Variants in SMARCC1 observed in about 807,000 individuals in gnomAD.
SMARCC1 encodes SWI/SNF related BAF chromatin remodeling complex subunit C1, also known as SWI/SNF complex subunit SMARCC1.
In SMARCC1, 43 loss-of-function variants were observed where a neutral mutation model predicts 147.4. That is an observed-to-expected ratio of 0.29 (90% CI 0.23 to 0.38). The LOEUF (loss-of-function observed/expected upper bound fraction) is 0.38, where lower values mean the gene tolerates loss of function less well. Among genes scored for constraint, SMARCC1 ranks in the 10% least tolerant of loss-of-function variants. The pLI is 1.00. For missense variants in SMARCC1, 1,119 were observed against 1,381.1 expected (o/e 0.81, Z 3.01); for synonymous variants, 495 against 484.4 (o/e 1.02, Z -0.29).
At chr3:47,648,545 T>C (rs529281662) in intron 21 of SMARCC1, among the ~76,000 whole-genome samples, 51 of 152,132 alleles carry the variant, frequency 3.4e-4, no homozygotes, top group Non-Finnish European at 6.6e-4. Flanking sequence ...TGTCACCATA[T>C]CTGGCTAGGT....
chr3:47,729,240 T>A, intron 5 of SMARCC1, 146 bp from the exon 6 acceptor site: 1 of 599,922 alleles, frequency 1.7e-6, no homozygotes, highest in African/African-American at 1.9e-5. Flanking sequence ...TTTAGTCAAA[T>A]AAAAAAAAGT....
intron 1 of SMARCC1, among the ~76,000 whole-genome samples, chr3:47,780,170 T>TTG (rs1186429678): frequency 3.0e-5 from 4 of 131,660 alleles, no homozygotes; most frequent in South Asian, 2.5e-4. Flanking sequence ...TTTTTTTTGT[T>TTG]TTTTTTTTTT....
chr3:47,592,701 C>T (rs937572696), intron 26 of SMARCC1, among the ~76,000 whole-genome samples: 12 of 152,128 alleles, frequency 7.9e-5, no homozygotes, highest in Non-Finnish European at 1.6e-4. Flanking sequence ...TAAACTCAAG[C>T]GATCCCCCTG....
chr3:47,756,884 A>G (rs528349188), intron 2 of SMARCC1, among the ~76,000 whole-genome samples: 6 of 152,280 alleles, frequency 3.9e-5, no homozygotes, highest in Non-Finnish European at 7.3e-5. Context: ...ATGAGAGTAA[A>G]AACATAAACT....
At chr3:47,761,058 G>A (rs2034767284) in intron 2 of SMARCC1, among the ~76,000 whole-genome samples, 4 of 152,048 alleles carry the variant, frequency 2.6e-5, no homozygotes, top group East Asian at 1.9e-4. Flanking sequence ...GCTTGAACCC[G>A]GGAAGGGGAG....
chr3:47,593,723 T>C (rs754865462), intron 26 of SMARCC1, among the ~76,000 whole-genome samples: 17 of 152,306 alleles, frequency 1.1e-4, no homozygotes, highest in Admixed American at 3.3e-4. Context: ...TCTGTCACTA[T>C]AGAAAGAGGT....
At chr3:47,704,654 C>T (rs753187171) in intron 10 of SMARCC1, among the ~76,000 whole-genome samples, 2 of 151,982 alleles carry the variant, frequency 1.3e-5, no homozygotes, top group Admixed American at 6.6e-5. Context: ...TGGTGGCTCA[C>T]GCAAATAATC....
At chr3:47,771,108 A>C (rs1232790062) in intron 2 of SMARCC1, among the ~76,000 whole-genome samples, 1 of 152,012 alleles carries the variant, frequency 6.6e-6, no homozygotes, top group Non-Finnish European at 1.5e-5. Flanking sequence ...ATGGTGTTTC[A>C]CCTTGTTAGA....
At chr3:47,741,243 C>T (rs562897338) in intron 3 of SMARCC1, among the ~76,000 whole-genome samples, 2 of 151,476 alleles carry the variant, frequency 1.3e-5, no homozygotes, top group South Asian at 4.2e-4. Context: ...TTAACTTTTT[C>T]GAAGAGAGTT....
chr3:47,671,589 C>T (rs1010634262), intron 18 of SMARCC1, among the ~76,000 whole-genome samples: 8 of 152,114 alleles, frequency 5.3e-5, no homozygotes, highest in Admixed American at 1.3e-4. Flanking sequence ...ATTCATGTGA[C>T]GATGTGAGTA....
At chr3:47,731,869 G>A (rs2034378154) in intron 5 of SMARCC1, among the ~76,000 whole-genome samples, 1 of 152,176 alleles carries the variant, frequency 6.6e-6, no homozygotes, top group East Asian at 1.9e-4. Context: ...ATAATCTGTA[G>A]GGCCTTATGA....
intron 6 of SMARCC1, among the ~76,000 whole-genome samples, chr3:47,723,631 G>A (rs141700243): frequency 2.2e-3 from 334 of 152,102 alleles, no homozygotes; most frequent in African/African-American, 7.8e-3. Flanking sequence ...TGGCCAACAT[G>A]ATGAAACCTT....
At chr3:47,589,095 T>G (rs558471541) in intron 27 of SMARCC1, among the ~76,000 whole-genome samples, 2 of 152,318 alleles carry the variant, frequency 1.3e-5, no homozygotes, top group Non-Finnish European at 2.9e-5. Flanking sequence ...CCCAAGAGGT[T>G]TCTACCAAAC....
intron 1 of SMARCC1, among the ~76,000 whole-genome samples, chr3:47,775,750 C>G (rs1169837575): frequency 6.6e-6 from 1 of 151,958 alleles, no homozygotes; most frequent in Admixed American, 6.6e-5. Flanking sequence ...CGCACTCCAG[C>G]CTGGGTGCAC....
intron 26 of SMARCC1, among the ~76,000 whole-genome samples, chr3:47,597,962 G>GT (rs775492564): frequency 5.9e-5 from 9 of 152,182 alleles, no homozygotes; most frequent in Admixed American, 1.3e-4. Flanking sequence ...AAATACAGAG[G>GT]TATCGGTGAA....
intron 10 of SMARCC1, 36 bp downstream of exon 10, chr3:47,706,373 G>C: frequency 4.1e-6 from 6 of 1,479,390 alleles, no homozygotes; most frequent in Non-Finnish European, 5.4e-6. Flanking sequence ...CGTCCGGCCT[G>C]TTTTAATGCC....
At chr3:47,635,456 T>C in intron 23 of SMARCC1, 112 bp from the exon 24 acceptor site, 1 of 922,570 alleles carries the variant, frequency 1.1e-6, no homozygotes, top group South Asian at 1.5e-5. Flanking sequence ...GAGATGTCAA[T>C]GCCTTTTTCT....
intron 7 of SMARCC1, among the ~76,000 whole-genome samples, chr3:47,717,782 G>C (rs1432244494): frequency 6.6e-6 from 1 of 151,984 alleles, no homozygotes; most frequent in African/African-American, 2.4e-5. Context: ...GCCCAAGGTG[G>C]TCTAGAACTC....
In SMARCC1 at chr3:47,661,346, A is replaced by G. The variant is rs756952592; in HGVS notation, c.2268T>C (p.Gly756=). 2 of 1,613,724 alleles carry G rather than the reference A, an allele frequency of 1.2e-6. No homozygotes were observed. The highest frequency in any genetic ancestry group is 1.7e-6 in the Non-Finnish European group (2 of 1,179,904). ...TGCCTGCAATGCAGCTGCTCTCCAG[A>G]CCGTAGGTGGGATCCACTTTCCCAG... ...RASGKVDPTY[G]LESSCIAGTG... Residue 756 remains glycine (G), a synonymous_variant, in exon 21 of 28, where the codon GGT becomes GGC. Transcript: ENST00000254480.
Sources: allele counts gnomAD v4.1 joint callset (sites outside exome capture counted in the v4.1 genomes callset), GRCh38; gene constraint gnomAD v4.1.1; transcripts MANE v1.5; gene names NCBI Gene and HGNC (gene_info 2026-07-23, HGNC 2026-07-21).